The following GLIS2 variants were observed in gnomAD, a reference collection of about 807,000 sequenced individuals.
The protein encoded by GLIS2 is GLIS family zinc finger 2, also known as zinc finger protein GLIS2.
GLIS2 carries 14 observed loss-of-function variants against 35.6 expected under a neutral mutation model. The ratio of observed to expected loss-of-function variants is 0.39; its 90% CI spans 0.26 to 0.61. The LOEUF is 0.61. Ranked by LOEUF, GLIS2 falls within the 20% of genes least tolerant of loss-of-function variation. The pLI is 0.48. For synonymous variants in GLIS2, 368 were observed against 325.1 expected (o/e 1.13, Z -1.42); for missense variants, 675 against 713.4 (o/e 0.95, Z 0.61).
chr16:4,337,607 CAAT>C lies in GLIS2; in HGVS notation c.*87_*89del. On this transcript the variant is annotated 3_prime_UTR_variant, in exon 7 of 7. Coordinates refer to ENST00000433375, the MANE Select transcript of GLIS2 (RefSeq NM_032575.3). ...GAACGGAAACTCTTCTGTGAAATAG[CAAT>C]AATGTCCTACTGCCCGGGCAGCCCC... 1 of 1,519,982 alleles carries C rather than the reference CAAT, an allele frequency of 6.6e-7. No homozygotes were observed. Among genetic ancestry groups the C allele is most frequent in the Non-Finnish European group, 8.8e-7 (1 of 1,133,636 alleles). 94.2% of individuals were successfully genotyped at this position (1,519,982 alleles called of 1,614,324 possible). A position where few individuals can be genotyped will look rare whatever the true frequency, so the allele number is the denominator to read the frequency against.
intron 1 of GLIS2, among the ~76,000 whole-genome samples, chr16:4,319,311 G>A (rs1356237146): frequency 6.6e-6 from 1 of 152,192 alleles, no homozygotes; most frequent in Admixed American, 6.5e-5. Flanking sequence ...CAGGGGTAGG[G>A]GGCATCCCCA....
intron 3 of GLIS2, among the ~76,000 whole-genome samples, chr16:4,334,528 G>A (rs2053529701): frequency 1.3e-5 from 2 of 151,696 alleles, no homozygotes; most frequent in Non-Finnish European, 2.9e-5. Context: ...GTGAGCCACC[G>A]CACCTGGCTA....
chr16:4,317,196 G>T (rs2053322737), intron 1 of GLIS2, among the ~76,000 whole-genome samples: 1 of 152,184 alleles, frequency 6.6e-6, no homozygotes, highest in South Asian at 2.1e-4. Context: ...TGGAAGGGAT[G>T]CTGGGAGGGG....
chr16:4,332,790 C>T lies in GLIS2; in HGVS notation c.172+338C>T, dbSNP rs758861208. On this transcript the variant is annotated intron_variant, in intron 2 of 6. Transcript: ENST00000433375. The surrounding 1 kb of genome is among the most constrained non-coding windows in gnomAD (Gnocchi z 5.4). ...GGGTGGTGCCGCTGGCCAACCTGGG[C>T]AGTAGAGGCTGGGTCTGAGCCCAGG... 7.9e-5 allele frequency among the ~76,000 whole-genome samples: 12 copies of T among 152,218 alleles called. No homozygotes were observed. The highest frequency in any genetic ancestry group is 1.2e-4 in the Non-Finnish European group (8 of 68,038).
rs1316994873 is a variant in GLIS2 at position 4,316,206 on chromosome 16, C to G, written c.-115C>G. On this transcript the variant is annotated 5_prime_UTR_variant, in exon 1 of 7. Transcript: ENST00000433375. Reference sequence around the variant, plus strand: ...TCCCCCGCTCGGCTCCCCGCGCCCCCCGACCGCCGGAGCCCGCAGCCCGGA... The same window carrying G: ...TCCCCCGCTCGGCTCCCCGCGCCCCGCGACCGCCGGAGCCCGCAGCCCGGA... 3.4e-5 allele frequency among the ~76,000 whole-genome samples: 5 copies of G among 145,092 alleles called. No homozygotes were observed. In the East Asian group the frequency reaches 8.1e-4, roughly 24 times the overall value.
rs1330134276 is a variant in GLIS2 at position 4,320,334 on chromosome 16, TGGAG to T, written c.-67+4083_-67+4086del. Among the ~76,000 whole-genome samples the T allele has an allele frequency of 6.6e-6, 1 of 152,048 alleles. No individual in the cohort carries two copies. The highest frequency in any genetic ancestry group is 1.5e-5 in the Non-Finnish European group (1 of 67,994). ...CCGGAAAACAGTCCTGCCCGTCACA[TGGAG>T]GGTCCCCACCGCTGGCACAGCACGC... On this transcript the variant is annotated intron_variant, in intron 1 of 6. Coordinates refer to ENST00000433375, the MANE Select transcript of GLIS2 (RefSeq NM_032575.3). This position sits in a 1 kb window ranked among gnomAD's most constrained non-coding sequence, Gnocchi z 5.6.
Position 4,334,813 on chromosome 16 carries a change from C to A in GLIS2, c.358C>A (p.Leu120Met), listed in dbSNP as rs1233080359. Residue 120 changes from leucine (L) to methionine (M), a missense_variant, in exon 4 of 7, where the codon CTG becomes ATG. Coordinates refer to ENST00000433375, the MANE Select transcript of GLIS2 (RefSeq NM_032575.3). ...PVPSASDFQPLRYLDGVPSSF... is the reference protein window; with the variant it reads ...PVPSASDFQPMRYLDGVPSSF... The stretch of plus-strand genomic sequence containing the variant: ...CCTCGCACCCCAGGACTTCCAGCCA[C>A]TGCGCTATTTGGATGGTGTCCCCAG... 1 of 1,613,536 alleles carries A rather than the reference C, an allele frequency of 6.2e-7. No individual in the cohort carries two copies. The highest frequency in any genetic ancestry group is 2.2e-5 in the East Asian group (1 of 44,880).
rs1456937124 is a variant in GLIS2, at chr16:4,337,160, G to T, written c.1211G>T (p.Gly404Val). The change falls in exon 7 of 7, where the codon GGC (glycine) becomes GTC (valine). Residue 404 changes from glycine to valine, a missense_variant. By Grantham distance (109) the Gly-to-Val change is moderately radical. Around this residue, in one of 3 missense-constraint regions of GLIS2, gnomAD observed 317 missense variants for 283.2 expected, o/e 1.12. Transcript: ENST00000433375. The stretch of plus-strand genomic sequence containing the variant: ...GGGGGCATGGGCCCTGGGCTGCCAG[G>T]CCCCGTCCTGCCTCTCAATCTGGCC... ...GGGGMGPGLP[G>V]PVLPLNLAKN... 7 of 1,540,078 alleles carry T rather than the reference G, an allele frequency of 4.5e-6. No individual in the cohort carries two copies. The highest frequency in any genetic ancestry group is 1.4e-5 in the African/African-American group (1 of 73,002).
rs1050390272 is a variant in GLIS2 at position 4,337,582 on chromosome 16, G to T, written c.*58G>T. On this transcript the variant is annotated 3_prime_UTR_variant, in exon 7 of 7. Transcript: ENST00000433375. The stretch of plus-strand genomic sequence containing the variant: ...GGCAGCTCCCGGCACTGCCCCCGAC[G>T]AACGGAAACTCTTCTGTGAAATAGC... 3.3e-6 allele frequency: 5 copies of T among 1,534,056 alleles called. No individual in the cohort carries two copies. The highest frequency in any genetic ancestry group is 1.4e-5 in the African/African-American group (1 of 72,994).
At chr16:4,318,476 A>G (rs979154546) in intron 1 of GLIS2, among the ~76,000 whole-genome samples, 3 of 152,168 alleles carry the variant, frequency 2.0e-5, no homozygotes, top group Non-Finnish European at 4.4e-5. Flanking sequence ...ATTGCAAACA[A>G]TCGTGTGAAC....
intron 1 of GLIS2, among the ~76,000 whole-genome samples, chr16:4,321,719 A>G (rs1486767756): frequency 6.6e-6 from 1 of 152,010 alleles, no homozygotes; most frequent in East Asian, 1.9e-4. Flanking sequence ...CCTTCTCTTC[A>G]GTAGCCACAG....
chr16:4,320,197 C>T lies in GLIS2; in HGVS notation c.-67+3943C>T, dbSNP rs1211658917. 2.6e-5 allele frequency among the ~76,000 whole-genome samples: 4 copies of T among 152,172 alleles called. No individual in the cohort carries two copies. The highest frequency in any genetic ancestry group is 9.6e-5 in the African/African-American group (4 of 41,516). ...TGGCAGATGGCTGCCGGGGAAGGGACGGAGACCCAGCCCTGGCCCCTTCCT... is the reference window on the plus strand; with the variant it reads ...TGGCAGATGGCTGCCGGGGAAGGGATGGAGACCCAGCCCTGGCCCCTTCCT... On this transcript the variant is annotated intron_variant, in intron 1 of 6. Transcript: ENST00000433375. This position sits in a 1 kb window ranked among gnomAD's most constrained non-coding sequence, Gnocchi z 5.6.
At chr16:4,327,681 A>G (rs907907485) in intron 1 of GLIS2, among the ~76,000 whole-genome samples, 4 of 147,372 alleles carry the variant, frequency 2.7e-5, no homozygotes, top group African/African-American at 5.0e-5. Context: ...CGCCCAGCCC[A>G]CCCTCCGGGT....
rs554074047 is a variant in GLIS2 at position 4,333,163 on chromosome 16, A to T, written c.173-184A>T. ...GGGGGCCAAGCTCTGGCGGCTGGTA[A>T]AGCTCAGAGGTGGTGGGTGGTGTCA... On this transcript the variant is annotated intron_variant, in intron 2 of 6. Coordinates refer to ENST00000433375, the MANE Select transcript of GLIS2 (RefSeq NM_032575.3). Among the ~76,000 whole-genome samples the T allele has an allele frequency of 2.0e-5, 3 of 152,180 alleles. No individual in the cohort carries two copies. In the South Asian group the frequency reaches 6.2e-4, roughly 32 times the overall value.
At chr16:4,315,670 G>C (rs1260893485), upstream of GLIS2, among the ~76,000 whole-genome samples, 2 of 151,326 alleles carry the variant, frequency 1.3e-5, no homozygotes, top group Non-Finnish European at 3.0e-5. Context: ...GGGCCGCGGG[G>C]GGGGGGTGGC....
chr16:4,319,247 G>A (rs778108009), intron 1 of GLIS2, among the ~76,000 whole-genome samples: 2 of 152,170 alleles, frequency 1.3e-5, no homozygotes, highest in Non-Finnish European at 2.9e-5. Context: ...AGACCACAGG[G>A]GAACCCCGGA....
Position 4,337,617 on chromosome 16 carries a change from C to A in GLIS2, c.*93C>A. ...TCTTCTGTGAAATAGCAATAATGTC[C>A]TACTGCCCGGGCAGCCCCAGCCCAG... On this transcript the variant is annotated 3_prime_UTR_variant, in exon 7 of 7. Coordinates refer to ENST00000433375, the MANE Select transcript of GLIS2 (RefSeq NM_032575.3). 6.6e-7 allele frequency: 1 copy of A among 1,511,364 alleles called. No individual in the cohort carries two copies. Among genetic ancestry groups the A allele is most frequent in the South Asian group, 1.2e-5 (1 of 83,452 alleles). 93.6% of individuals were successfully genotyped at this position (1,511,364 alleles called of 1,614,324 possible).
At chr16:4,316,296 G>C (rs1184181846) in intron 1 of GLIS2, among the ~76,000 whole-genome samples, 42 bp downstream of exon 1, 2 of 134,632 alleles carry the variant, frequency 1.5e-5, no homozygotes, top group Non-Finnish European at 3.2e-5. Flanking sequence ...GACCGGGCCG[G>C]GGCGGGGGGG....
intron 1 of GLIS2, among the ~76,000 whole-genome samples, chr16:4,329,823 AT>A (rs778698957): frequency 2.0e-5 from 3 of 152,180 alleles, no homozygotes; most frequent in Non-Finnish European, 4.4e-5. Flanking sequence ...CGGCAGTTAG[AT>A]TTTCAAGTTG....
Sources: allele counts gnomAD v4.1 joint callset (sites outside exome capture counted in the v4.1 genomes callset), GRCh38; gene constraint gnomAD v4.1.1; regional missense constraint gnomAD v4.1.1; non-coding constraint Gnocchi (gnomAD v3.1); transcripts MANE v1.5; gene names NCBI Gene and HGNC (gene_info 2026-07-23, HGNC 2026-07-21).